Variants in NRG1 observed in about 807,000 individuals in gnomAD.
The protein encoded by NRG1 is pro-neuregulin-1, membrane-bound isoform.
A neutral mutation model predicts 63.8 loss-of-function variants in NRG1; 18 were observed. The ratio of observed to expected loss-of-function variants is 0.28; its 90% CI spans 0.19 to 0.42. NRG1 has a LOEUF of 0.42. Among genes scored for constraint, NRG1 ranks in the 10% least tolerant of loss-of-function variants. The probability of loss-of-function intolerance (pLI) is 1.00; values close to 1 mark genes in which losing one functional copy is unlikely to be tolerated. For synonymous variants in NRG1, 302 were observed against 301.3 expected (o/e 1.00, Z -0.02); for missense variants, 762 against 814.7 (o/e 0.94, Z 0.79).
Position 31,640,766 on chromosome 8 carries a change from G to C in NRG1, c.37+1335G>C. The C allele has an allele frequency of 6.8e-7, 1 of 1,464,696 alleles. No homozygotes were observed. Among genetic ancestry groups the C allele is most frequent in the Non-Finnish European group, 9.0e-7 (1 of 1,106,110 alleles). The allele number at this position is 1,464,696 out of a possible 1,614,324, so 90.7% of individuals were successfully genotyped here. A position where few individuals can be genotyped will look rare whatever the true frequency, so the allele number is the denominator to read the frequency against. On this transcript the variant is annotated intron_variant, in intron 1 of 10. Coordinates refer to the NRG1 transcript ENST00000519301. This position sits in a 1 kb window ranked among gnomAD's most constrained non-coding sequence, Gnocchi z 6.3. ...GCCCTTGGGGGCGCGAACCCGCGGC[G>C]AGGAGGGCGCATCCCGGGCGCGCGG... is the stretch of plus-strand genomic sequence containing the variant.
chr8:31,675,975 C>T (rs565163325), intron 1 of NRG1, among the ~76,000 whole-genome samples: 40 of 152,166 alleles, frequency 2.6e-4, no homozygotes, highest in Non-Finnish European at 4.4e-4. Context: ...TCATATATGT[C>T]GTGTTATATT....
chr8:31,639,304 G>A, exon 1 of NRG1: 1 of 1,478,870 alleles, frequency 6.8e-7, no homozygotes, highest in African/African-American at 1.4e-5. Flanking sequence ...TCCCATTGCA[G>A]CACTCGGGGC....
chr8:31,850,013 A>T (rs966186861), intron 1 of NRG1, among the ~76,000 whole-genome samples: 2 of 152,308 alleles, frequency 1.3e-5, no homozygotes, highest in Non-Finnish European at 2.9e-5. Flanking sequence ...TGCTTTCCCC[A>T]TATGACTTTG....
chr8:31,999,327 A>T (rs1021835290), intron 1 of NRG1, among the ~76,000 whole-genome samples: 2 of 151,984 alleles, frequency 1.3e-5, no homozygotes, highest in African/African-American at 2.4e-5. Context: ...GTGTGCCCAC[A>T]TCATACTTAG....
At chr8:31,947,746 C>A (rs1443817239) in intron 1 of NRG1, among the ~76,000 whole-genome samples, 1 of 151,780 alleles carries the variant, frequency 6.6e-6, no homozygotes, top group African/African-American at 2.4e-5. Context: ...GAGTTCAAGA[C>A]CACCCAGGGC....
At chr8:31,813,868 C>T (rs934816634) in intron 1 of NRG1, among the ~76,000 whole-genome samples, 2 of 152,216 alleles carry the variant, frequency 1.3e-5, no homozygotes, top group Non-Finnish European at 2.9e-5. Flanking sequence ...TTCCATTTAA[C>T]TCTCACAACA....
intron 1 of NRG1, among the ~76,000 whole-genome samples, chr8:32,432,151 A>G (rs1033106060): frequency 6.6e-6 from 1 of 152,200 alleles, no homozygotes; most frequent in Non-Finnish European, 1.5e-5. Flanking sequence ...CCTTGAAATA[A>G]TTAATACACC....
At chr8:32,310,857 C>G (rs1233349772) in intron 1 of NRG1, among the ~76,000 whole-genome samples, 1 of 152,176 alleles carries the variant, frequency 6.6e-6, no homozygotes, top group Non-Finnish European at 1.5e-5. Flanking sequence ...TGGACTTCTT[C>G]CCCCTCACAT....
At chr8:32,773,488 C>T (rs537975244) in intron 7 of NRG1, among the ~76,000 whole-genome samples, 6 of 152,114 alleles carry the variant, frequency 3.9e-5, no homozygotes, top group Non-Finnish European at 7.4e-5. Context: ...GTTAGTGGAG[C>T]CACATTTCAC....
chr8:32,634,118 A>AAAAAAAAAAAAAAAAAAAAATT (rs1850869778), intron 5 of NRG1, among the ~76,000 whole-genome samples: 5 of 150,080 alleles, frequency 3.3e-5, no homozygotes, highest in African/African-American at 1.2e-4. Context: ...AAAAAAAAAA[A>AAAAAAAAAAAAAAAAAAAAATT]GGTTGCATAA....
At chr8:32,599,115 C>G (rs1843871909) in intron 2 of NRG1, among the ~76,000 whole-genome samples, 2 of 151,944 alleles carry the variant, frequency 1.3e-5, no homozygotes, top group African/African-American at 4.8e-5. Context: ...CTCTGGCATG[C>G]TTAGGATAAT....
At chr8:31,649,489 A>G (rs568657865) in intron 1 of NRG1, among the ~76,000 whole-genome samples, 3 of 152,300 alleles carry the variant, frequency 2.0e-5, no homozygotes, top group African/African-American at 7.2e-5. Context: ...CTCTAATTAC[A>G]CTGTCATTAA....
At chr8:31,855,233 A>T (rs1182859716) in intron 1 of NRG1, among the ~76,000 whole-genome samples, 3 of 152,178 alleles carry the variant, frequency 2.0e-5, no homozygotes, top group African/African-American at 4.8e-5. Context: ...CCCATTAACA[A>T]TGTGTGGGAG....
intron 1 of NRG1, among the ~76,000 whole-genome samples, chr8:32,250,569 T>C (rs1199031510): frequency 6.6e-6 from 1 of 152,238 alleles, no homozygotes; most frequent in Non-Finnish European, 1.5e-5. Context: ...TTATAGCTTA[T>C]AGTGACTCAT....
rs548045903 is a variant in NRG1, at chr8:32,665,729, C to G, written c.502+48844C>G. On this transcript the variant is annotated intron_variant, in intron 5 of 11. Coordinates refer to ENST00000356819, the Ensembl canonical transcript of NRG1. The stretch of plus-strand genomic sequence containing the variant: ...TCAAAAACAAGCCATTGATATTAGA[C>G]GTGTATCAAGCATACGTGGTTGCAG... 7.9e-5 allele frequency among the ~76,000 whole-genome samples: 12 copies of G among 152,226 alleles called. No individual in the cohort carries two copies. In the South Asian group the frequency reaches 2.3e-3, roughly 29 times the overall value.
At chr8:32,135,796 G>T (rs77865361) in intron 1 of NRG1, among the ~76,000 whole-genome samples, 9,697 of 151,912 alleles carry the variant, frequency 0.064, 611 homozygotes, top group African/African-American at 0.17. Context: ...AGAGCTAAGG[G>T]TCTATATGAA....
chr8:32,023,820 C>T (rs1252427629), intron 1 of NRG1, among the ~76,000 whole-genome samples: 1 of 110,100 alleles, frequency 9.1e-6, no homozygotes, highest in Non-Finnish European at 1.9e-5. Context: ...GGCAGAAGAG[C>T]GTAGCTGCAG....
At chr8:31,903,598 A>G (rs191907758) in intron 1 of NRG1, among the ~76,000 whole-genome samples, 19 of 152,290 alleles carry the variant, frequency 1.2e-4, no homozygotes, top group Admixed American at 5.2e-4. Context: ...ATAGACAATA[A>G]CAAGATAATA....
intron 1 of NRG1, among the ~76,000 whole-genome samples, chr8:32,567,449 C>G (rs1408057144): frequency 1.3e-5 from 2 of 152,212 alleles, no homozygotes; most frequent in Middle Eastern, 3.2e-3. Context: ...AGAAATTTCT[C>G]TGGCCTAGTC....
Sources: gnomAD v4.1 joint callset for allele counts (sites outside exome capture counted in the v4.1 genomes callset) on GRCh38, gnomAD v4.1.1 for gene constraint, Gnocchi (gnomAD v3.1) non-coding constraint, MANE v1.5 for transcripts, NCBI Gene and HGNC (gene_info 2026-07-23, HGNC 2026-07-21) for gene names.